The following OR2T12 variants were observed in gnomAD, a reference collection of about 807,000 sequenced individuals.
The protein encoded by OR2T12 is olfactory receptor 2T12.
For missense variants in OR2T12, 335 were observed against 404.3 expected, an observed-to-expected ratio of 0.83 and a Z score of 1.47; for synonymous variants, 127 against 160.5, an observed-to-expected ratio of 0.79 and a Z score of 1.58.
chr1:248,300,497 C>G (rs574083706), intron 2 of OR2T12, among the ~76,000 whole-genome samples: 3 of 152,150 alleles, frequency 2.0e-5, no homozygotes, highest in African/African-American at 7.2e-5. Flanking sequence ...GGTTTCCCAC[C>G]TCAGGGTGCC....
Position 248,290,639 on chromosome 1 carries a change from G to A in OR2T12, c.*3977C>T, listed in dbSNP as rs1430630988. 2 of 152,168 alleles carry A rather than the reference G, an allele frequency of 1.3e-5. No individual in the cohort carries two copies. Among genetic ancestry groups the A allele is most frequent in the African/African-American group, 4.8e-5 (2 of 41,440 alleles). 9.4% of individuals were successfully genotyped at this position (152,168 alleles called of 1,614,324 possible). A position where few individuals can be genotyped will look rare whatever the true frequency, so the allele number is the denominator to read the frequency against. ...TAGATCCTTGAGGAATCACCACACT[G>A]TCTTCCACAATGGTTGAACTAATTT... is the stretch of plus-strand genomic sequence containing the variant. On this transcript the variant is annotated 3_prime_UTR_variant, in exon 3 of 3. Transcript: ENST00000641276.
chr1:248,299,994 A>C (rs1205996371), intron 2 of OR2T12, among the ~76,000 whole-genome samples: 2 of 152,206 alleles, frequency 1.3e-5, no homozygotes, highest in Non-Finnish European at 2.9e-5. Context: ...CAACAAGAAC[A>C]AAGACACAAT....
chr1:248,300,634 TTATGGAA>T (rs1467754906), intron 2 of OR2T12, among the ~76,000 whole-genome samples: 1 of 152,134 alleles, frequency 6.6e-6, no homozygotes, highest in Non-Finnish European at 1.5e-5. Flanking sequence ...TCAACTTACT[TTATGGAA>T]CCACCTATTT....
Position 248,301,490 on chromosome 1 carries a change from A to C in OR2T12, c.-126T>G, listed in dbSNP as rs1039336316. On this transcript the variant is annotated 5_prime_UTR_variant, in exon 2 of 3. Coordinates refer to ENST00000641276, the MANE Select transcript of OR2T12 (RefSeq NM_001004692.2). ...GGGATTCCAAGAGGTATTTGTATATATTCCTATAAAAATGGATCTGTGGTG... is the reference window on the plus strand; with the variant it reads ...GGGATTCCAAGAGGTATTTGTATATCTTCCTATAAAAATGGATCTGTGGTG... 1.3e-5 allele frequency: 2 copies of C among 152,066 alleles called. No individual in the cohort carries two copies. Among genetic ancestry groups the C allele is most frequent in the East Asian group, 3.8e-4 (2 of 5,202 alleles). The allele number at this position is 152,066 out of a possible 1,614,324, so 9.4% of individuals were successfully genotyped here.
chr1:248,300,376 T>C (rs1659798048), intron 2 of OR2T12, among the ~76,000 whole-genome samples: 1 of 152,074 alleles, frequency 6.6e-6, no homozygotes, highest in South Asian at 2.1e-4. Flanking sequence ...CCTTTCTGGT[T>C]TTAAAACAAA....
In OR2T12 at chr1:248,294,528, T is replaced by C; in HGVS notation, c.*88A>G. On this transcript the variant is annotated 3_prime_UTR_variant, in exon 3 of 3. Transcript: ENST00000641276. Reference sequence around the variant, plus strand: ...TTATTATATCAATACACAAACTTAATTTTCTCTTCATGAATTACTAAAGGG... The same window carrying C: ...TTATTATATCAATACACAAACTTAACTTTCTCTTCATGAATTACTAAAGGG... 1.4e-6 allele frequency: 2 copies of C among 1,481,474 alleles called. No homozygotes were observed. Among genetic ancestry groups the C allele is most frequent in the Non-Finnish European group, 1.8e-6 (2 of 1,101,772 alleles). 91.8% of individuals were successfully genotyped at this position (1,481,474 alleles called of 1,614,324 possible).
At chr1:248,297,405 C>T (rs921222587) in intron 2 of OR2T12, among the ~76,000 whole-genome samples, 3 of 151,832 alleles carry the variant, frequency 2.0e-5, no homozygotes, top group African/African-American at 7.3e-5. Context: ...TCATTGGTAC[C>T]TTGATGGGGA....
At chr1:248,298,379 G>A (rs550089854) in intron 2 of OR2T12, among the ~76,000 whole-genome samples, 35 of 152,270 alleles carry the variant, frequency 2.3e-4, no homozygotes, top group African/African-American at 7.9e-4. Context: ...ATGAGTTAGG[G>A]AGGATTCCCT....
chr1:248,295,435 G>A lies in OR2T12; in HGVS notation c.144C>T (p.His48=). 1 of 1,605,270 alleles carries A rather than the reference G, an allele frequency of 6.2e-7. No homozygotes were observed. Among genetic ancestry groups the A allele is most frequent in the Non-Finnish European group, 8.5e-7 (1 of 1,176,476 alleles). Residue 48 remains histidine (H), a synonymous_variant, in exon 3 of 3, where the codon CAC becomes CAT. Coordinates refer to ENST00000641276, the MANE Select transcript of OR2T12 (RefSeq NM_001004692.2). ...FSNALMILLI[H]WDHRLHRPMY... is the part of the protein sequence containing the mutation. ...TGGGCCTGTGGAGCCGGTGGTCCCA[G>A]TGAATCAGGAGAATCATGAGGGCAT...
rs1375620377 is a variant in OR2T12 at position 248,293,458 on chromosome 1, T to C, written c.*1158A>G. 6.6e-6 allele frequency: 1 copy of C among 152,150 alleles called. No individual in the cohort carries two copies. The highest frequency in any genetic ancestry group is 1.9e-4 in the East Asian group (1 of 5,204). 9.4% of individuals were successfully genotyped at this position (152,150 alleles called of 1,614,324 possible). A position where few individuals can be genotyped will look rare whatever the true frequency, so the allele number is the denominator to read the frequency against. ...CTCTCTAAGACAATTTGATATCCAGTCTCTGATTACAATTTGGCTTTGATA... is the reference window on the plus strand; with the variant it reads ...CTCTCTAAGACAATTTGATATCCAGCCTCTGATTACAATTTGGCTTTGATA... On this transcript the variant is annotated 3_prime_UTR_variant, in exon 3 of 3. Coordinates refer to ENST00000641276, the MANE Select transcript of OR2T12 (RefSeq NM_001004692.2).
At position 248,294,543 on chromosome 1, in the gene OR2T12, T is replaced by C. The variant is rs895163904; in HGVS notation, c.*73A>G. ...ACAAACTTAATTTTCTCTTCATGAA[T>C]TACTAAAGGGAGAGAATTACATAGT... On this transcript the variant is annotated 3_prime_UTR_variant, in exon 3 of 3. Transcript: ENST00000641276. The C allele has an allele frequency of 8.6e-6, 13 of 1,507,934 alleles. No individual in the cohort carries two copies. In the East Asian group the frequency reaches 2.3e-4, roughly 26 times the overall value. 93.4% of individuals were successfully genotyped at this position (1,507,934 alleles called of 1,614,324 possible). A position where few individuals can be genotyped will look rare whatever the true frequency, so the allele number is the denominator to read the frequency against.
rs777676422 is a variant in OR2T12 at position 248,294,715 on chromosome 1, G to A, written c.864C>T (p.Tyr288=). ...CCTTGACCTCACTGTTCCTCACACT[G>A]TAGATGAGGGGATTTAGTAAAGGGG... is the stretch of plus-strand genomic sequence containing the variant. ...MFTPLLNPLI[Y]SVRNSEVKEA... is the part of the protein sequence containing the mutation. The change falls in exon 3 of 3, where the codon TAC becomes TAT. Residue 288 remains tyrosine, a synonymous_variant. Coordinates refer to ENST00000641276, the MANE Select transcript of OR2T12 (RefSeq NM_001004692.2). The A allele has an allele frequency of 8.7e-6, 14 of 1,613,972 alleles. No homozygotes were observed. The highest frequency in any genetic ancestry group is 1.2e-5 in the Non-Finnish European group (14 of 1,180,026).
intron 2 of OR2T12, among the ~76,000 whole-genome samples, chr1:248,300,823 C>T (rs1659802516): frequency 6.6e-6 from 1 of 152,044 alleles, no homozygotes; most frequent in Non-Finnish European, 1.5e-5. Flanking sequence ...GTTCGCTTCT[C>T]CCTATGCTTC....
rs751934365 is a variant in OR2T12 at position 248,293,669 on chromosome 1, C to T, written c.*947G>A. The T allele has an allele frequency of 6.6e-6, 1 of 152,148 alleles. No homozygotes were observed. The highest frequency in any genetic ancestry group is 1.5e-5 in the Non-Finnish European group (1 of 68,012). 9.4% of individuals were successfully genotyped at this position (152,148 alleles called of 1,614,324 possible). On this transcript the variant is annotated 3_prime_UTR_variant, in exon 3 of 3. Transcript: ENST00000641276. ...ATGTATAAGGTTGTTGAGTCTTACTCAGCTTTGATAACTCATTGTTAGTAA... is the reference window on the plus strand; with the variant it reads ...ATGTATAAGGTTGTTGAGTCTTACTTAGCTTTGATAACTCATTGTTAGTAA...
rs1409983118 is a variant in OR2T12 at position 248,295,323 on chromosome 1, C to T, written c.256G>A (p.Gly86Arg). The change falls in exon 3 of 3, where the codon GGA becomes AGA. Residue 86 changes from glycine (G) to arginine (R), a missense_variant. Gly to Arg is a moderately radical substitution (Grantham distance 125). Coordinates refer to ENST00000641276, the MANE Select transcript of OR2T12 (RefSeq NM_001004692.2). ...VPKMAADYLT[G>R]NKAISRAGCG... ...CCAGCGCGGGAGATGGCCTTATTTC[C>T]GGTCAAGTAGTCAGCCGCCATTTTG... 8 of 1,608,790 alleles carry T rather than the reference C, an allele frequency of 5.0e-6. No individual in the cohort carries two copies. The highest frequency in any genetic ancestry group is 2.2e-5 in the South Asian group (2 of 90,716).
chr1:248,296,312 CAT>C (rs1363670305), intron 2 of OR2T12, among the ~76,000 whole-genome samples: 1 of 152,164 alleles, frequency 6.6e-6, no homozygotes, highest in African/African-American at 2.4e-5. Context: ...CCGCAATAAA[CAT>C]ATGTGTGCAT....
chr1:248,291,291 C>G lies in OR2T12; in HGVS notation c.*3325G>C, dbSNP rs1659630219. The G allele has an allele frequency of 1.3e-5, 2 of 151,868 alleles. No individual in the cohort carries two copies. Among genetic ancestry groups the G allele is most frequent in the African/African-American group, 4.9e-5 (2 of 41,218 alleles). The allele number at this position is 151,868 out of a possible 1,614,324, so 9.4% of individuals were successfully genotyped here. A position where few individuals can be genotyped will look rare whatever the true frequency, so the allele number is the denominator to read the frequency against. On this transcript the variant is annotated 3_prime_UTR_variant, in exon 3 of 3. Coordinates refer to ENST00000641276, the MANE Select transcript of OR2T12 (RefSeq NM_001004692.2). ...TGTAAAAATCACAAGCTTTCCCATACACCAATAATAGACAGAGAGCCAAAT... is the reference window on the plus strand; with the variant it reads ...TGTAAAAATCACAAGCTTTCCCATAGACCAATAATAGACAGAGAGCCAAAT...
intron 2 of OR2T12, 163 bp from the exon 3 acceptor site, chr1:248,295,749 T>C: frequency 2.4e-6 from 2 of 844,128 alleles, no homozygotes; most frequent in Non-Finnish European, 1.8e-6. Context: ...TGACCTGGCA[T>C]TCACTTCTCT....
chr1:248,300,150 G>T (rs1659794285), intron 2 of OR2T12, among the ~76,000 whole-genome samples: 1 of 152,102 alleles, frequency 6.6e-6, no homozygotes, highest in Admixed American at 6.6e-5. Context: ...ATGTGATCGA[G>T]TTTTTCCAAA....
Sources: gnomAD v4.1 joint callset for allele counts (sites outside exome capture counted in the v4.1 genomes callset) on GRCh38, gnomAD v4.1.1 for gene constraint, MANE v1.5 for transcripts, NCBI Gene and HGNC (gene_info 2026-07-23, HGNC 2026-07-21) for gene names.